Variants in ENTREP2 observed in about 807,000 individuals in gnomAD.
ENTREP2 encodes the protein endosomal transmembrane epsin interactor 2.
chr15:29,414,683 C>G, the ENTREP2 span, among the ~76,000 whole-genome samples: 2 of 151,868 alleles, frequency 1.3e-5, no homozygotes, highest in Admixed American at 6.6e-5. Context: ...GACACAAAAA[C>G]CCTTCAAAAA....
chr15:29,309,215 A>C, the ENTREP2 span, among the ~76,000 whole-genome samples: 1 of 152,200 alleles, frequency 6.6e-6, no homozygotes, highest in Non-Finnish European at 1.5e-5. Context: ...CTCAGAAAGA[A>C]GTCATTAATT....
the ENTREP2 span, among the ~76,000 whole-genome samples, chr15:29,165,886 C>T: frequency 8.5e-5 from 13 of 152,232 alleles, no homozygotes; most frequent in East Asian, 1.9e-4. Context: ...AACTACAGAC[C>T]GATATCCTTG....
At chr15:29,532,381 G>C in the ENTREP2 span, among the ~76,000 whole-genome samples, 2 of 152,090 alleles carry the variant, frequency 1.3e-5, no homozygotes, top group African/African-American at 4.8e-5. Flanking sequence ...ATTCATGGCC[G>C]AGATACACTA....
At chr15:29,367,653 A>C in the ENTREP2 span, among the ~76,000 whole-genome samples, 1 of 152,168 alleles carries the variant, frequency 6.6e-6, no homozygotes, top group Non-Finnish European at 1.5e-5. Context: ...AGAAGGCTCT[A>C]AGCTCTCAGA....
chr15:29,518,947 C>T, the ENTREP2 span, among the ~76,000 whole-genome samples: 4 of 152,076 alleles, frequency 2.6e-5, no homozygotes, highest in Non-Finnish European at 4.4e-5. Context: ...TGCACTACTG[C>T]GACACAAAAG....
At chr15:29,123,620 C>T in the ENTREP2 span, 2 of 1,550,854 alleles carry the variant, frequency 1.3e-6, no homozygotes, top group Non-Finnish European at 1.7e-6. Flanking sequence ...GAAAGCTGGG[C>T]CCGACAGGCA....
At chr15:29,656,705 C>A in the ENTREP2 span, among the ~76,000 whole-genome samples, 1 of 152,102 alleles carries the variant, frequency 6.6e-6, no homozygotes. Context: ...ACCAAATGCT[C>A]GCAAGGACGT....
At chr15:29,412,064 T>A in the ENTREP2 span, among the ~76,000 whole-genome samples, 1 of 152,168 alleles carries the variant, frequency 6.6e-6, no homozygotes, top group East Asian at 1.9e-4. Flanking sequence ...GGCTCTGTCA[T>A]ATAATTTTAC....
At chr15:29,271,588 T>C in the ENTREP2 span, among the ~76,000 whole-genome samples, 1 of 152,236 alleles carries the variant, frequency 6.6e-6, no homozygotes, top group Non-Finnish European at 1.5e-5. Context: ...AGACATTGTA[T>C]AGAAGAACAT....
At chr15:29,334,700 G>A in the ENTREP2 span, among the ~76,000 whole-genome samples, 20 of 152,278 alleles carry the variant, frequency 1.3e-4, no homozygotes, top group South Asian at 8.3e-4. Flanking sequence ...CTCGCACACC[G>A]GCCGGCCTGT....
the ENTREP2 span, among the ~76,000 whole-genome samples, chr15:29,257,729 A>G: frequency 6.6e-6 from 1 of 152,224 alleles, no homozygotes; most frequent in Non-Finnish European, 1.5e-5. Context: ...TACCGTAACT[A>G]TAATGTATAC....
chr15:29,203,358 C>T, the ENTREP2 span, among the ~76,000 whole-genome samples: 1 of 152,092 alleles, frequency 6.6e-6, no homozygotes, highest in Non-Finnish European at 1.5e-5. Context: ...GCTGAGATCG[C>T]GCCACTGCAC....
At chr15:29,169,303 T>C in the ENTREP2 span, among the ~76,000 whole-genome samples, 2 of 152,242 alleles carry the variant, frequency 1.3e-5, no homozygotes, top group East Asian at 1.9e-4. Flanking sequence ...TAAACAAGCA[T>C]TGTCAAGAAC....
At chr15:29,415,069 A>T in the ENTREP2 span, among the ~76,000 whole-genome samples, 2 of 152,160 alleles carry the variant, frequency 1.3e-5, no homozygotes, top group Non-Finnish European at 2.9e-5. Flanking sequence ...ATTCTACCAG[A>T]GGTACAAGGA....
At chr15:29,267,543 A>AC in the ENTREP2 span, 1 of 152,036 alleles carries the variant, frequency 6.6e-6, no homozygotes, top group Non-Finnish European at 1.5e-5. Flanking sequence ...CAGCCCCAAG[A>AC]CCCATACCCT....
chr15:29,519,619 T>C, the ENTREP2 span, among the ~76,000 whole-genome samples: 1 of 152,238 alleles, frequency 6.6e-6, no homozygotes, highest in Non-Finnish European at 1.5e-5. Context: ...AATGTGTTAA[T>C]TGACCGTGTT....
the ENTREP2 span, among the ~76,000 whole-genome samples, chr15:29,350,963 T>A: frequency 3.9e-4 from 59 of 152,110 alleles, no homozygotes; most frequent in African/African-American, 1.3e-3. Flanking sequence ...AATATATATA[T>A]AATACACATA....
At chr15:29,599,029 T>C in the ENTREP2 span, among the ~76,000 whole-genome samples, 1 of 152,156 alleles carries the variant, frequency 6.6e-6, no homozygotes, top group African/African-American at 2.4e-5. Context: ...AGTCCAAGGG[T>C]ACTTCCTCAT....
At chr15:29,134,906 T>A in the ENTREP2 span, among the ~76,000 whole-genome samples, 2 of 151,682 alleles carry the variant, frequency 1.3e-5, no homozygotes, top group Admixed American at 6.6e-5. Context: ...TTTACAGGAG[T>A]CAGCAGACAG....
Sources: allele counts gnomAD v4.1 joint callset (sites outside exome capture counted in the v4.1 genomes callset), GRCh38; gene constraint gnomAD v4.1.1; transcripts MANE v1.5; gene names NCBI Gene and HGNC (gene_info 2026-07-23, HGNC 2026-07-21).